Variants in GNA12 observed in about 807,000 individuals in gnomAD.
GNA12 encodes G protein subunit alpha 12.
GNA12 carries 9 observed loss-of-function variants against 26.0 expected under a neutral mutation model. The ratio of observed to expected loss-of-function variants is 0.35; its 90% CI spans 0.21 to 0.60. The LOEUF is 0.60. GNA12 is among the 20% of genes least tolerant of loss of function. The probability of loss-of-function intolerance (pLI) is 0.78; values close to 1 mark genes in which losing one functional copy is unlikely to be tolerated. For synonymous variants in GNA12, 264 were observed against 219.6 expected (o/e 1.20, Z -1.79); for missense variants, 405 against 525.8 (o/e 0.77, Z 2.25).
intron 1 of GNA12, among the ~76,000 whole-genome samples, chr7:2,824,098 C>A (rs1245428096): frequency 6.6e-6 from 1 of 152,174 alleles, no homozygotes; most frequent in Non-Finnish European, 1.5e-5. Context: ...TCAACACTTT[C>A]ACAACATTTC....
Position 2,795,163 on chromosome 7 carries a change from A to T in GNA12, c.310-20T>A, listed in dbSNP as rs1473208314. 6.3e-7 allele frequency: 1 copy of T among 1,585,946 alleles called. No individual in the cohort carries two copies. Among genetic ancestry groups the T allele is most frequent in the Non-Finnish European group, 8.7e-7 (1 of 1,155,444 alleles). ...TGAGCCCTAGAAAATAAAAGAAAGA[A>T]GAGAGGATTTAATTGCATTCCAAAG... On this transcript the variant is annotated intron_variant, in intron 1 of 3. Transcript: ENST00000275364.
intron 1 of GNA12, among the ~76,000 whole-genome samples, chr7:2,795,363 TGGCTCACACTGTGAGCCTCCC>T (rs1792633183): frequency 1.3e-5 from 2 of 152,080 alleles, no homozygotes; most frequent in African/African-American, 4.8e-5. Context: ...CCGAGAGCAG[TGGCTCACACTGTGAGCCTCCC>T]CTTTGGGAGG....
chr7:2,743,605 G>T (rs28835381), intron 2 of GNA12, among the ~76,000 whole-genome samples: 1 of 152,182 alleles, frequency 6.6e-6, no homozygotes, highest in Non-Finnish European at 1.5e-5. Flanking sequence ...AGCTCCCAGC[G>T]TGAGCAATGC....
intron 1 of GNA12, among the ~76,000 whole-genome samples, chr7:2,836,286 G>C (rs1414580777): frequency 1.3e-5 from 2 of 152,210 alleles, no homozygotes; most frequent in Non-Finnish European, 2.9e-5. Flanking sequence ...GGATGATGGA[G>C]ACTTCCACAA....
chr7:2,747,133 C>G (rs567129419), intron 2 of GNA12, among the ~76,000 whole-genome samples: 1 of 152,002 alleles, frequency 6.6e-6, no homozygotes, highest in African/African-American at 2.4e-5. Context: ...CTATTCCAAT[C>G]AATAGAAAAA....
intron 1 of GNA12, among the ~76,000 whole-genome samples, chr7:2,830,317 A>G (rs1201241561): frequency 1.3e-5 from 2 of 152,204 alleles, no homozygotes; most frequent in African/African-American, 4.8e-5. Flanking sequence ...CCAGTCTAGA[A>G]TCCATTTGGA....
At chr7:2,759,832 T>C (rs1218446558) in intron 2 of GNA12, among the ~76,000 whole-genome samples, 1 of 152,116 alleles carries the variant, frequency 6.6e-6, no homozygotes, top group Non-Finnish European at 1.5e-5. Context: ...CTGCAACGGG[T>C]GCAGATGCCG....
intron 1 of GNA12, among the ~76,000 whole-genome samples, chr7:2,809,612 G>A (rs1162538711): frequency 6.6e-6 from 1 of 152,060 alleles, no homozygotes; most frequent in African/African-American, 2.4e-5. Context: ...GCTACTCTGG[G>A]TACACCGCCT....
At chr7:2,811,363 G>C (rs373860316) in intron 1 of GNA12, among the ~76,000 whole-genome samples, 82 of 152,322 alleles carry the variant, frequency 5.4e-4, no homozygotes, top group African/African-American at 1.8e-3. Context: ...TCACACAGAA[G>C]ACAAAGGAGC....
At chr7:2,789,229 G>T (rs1319599213) in intron 2 of GNA12, among the ~76,000 whole-genome samples, 2 of 134,168 alleles carry the variant, frequency 1.5e-5, no homozygotes, top group Non-Finnish European at 3.1e-5. Context: ...TCCGCCTCCC[G>T]GGTTCACGCC....
At chr7:2,750,711 G>A (rs777360914) in intron 2 of GNA12, among the ~76,000 whole-genome samples, 1 of 152,218 alleles carries the variant, frequency 6.6e-6, no homozygotes, top group Non-Finnish European at 1.5e-5. Context: ...CTATTGGACA[G>A]GCATGTTAAC....
At chr7:2,819,755 G>A (rs1443218815) in intron 1 of GNA12, among the ~76,000 whole-genome samples, 5 of 152,130 alleles carry the variant, frequency 3.3e-5, no homozygotes, top group Admixed American at 2.0e-4. Flanking sequence ...ACACAAGCAC[G>A]GTTAGACCCC....
At chr7:2,760,738 G>A (rs1205552377) in intron 2 of GNA12, among the ~76,000 whole-genome samples, 1 of 152,176 alleles carries the variant, frequency 6.6e-6, no homozygotes. Flanking sequence ...GTTTAGCTAC[G>A]ACCATTTCTA....
chr7:2,830,182 G>A (rs781566394), intron 1 of GNA12, among the ~76,000 whole-genome samples: 1 of 152,140 alleles, frequency 6.6e-6, no homozygotes, highest in Non-Finnish European at 1.5e-5. Context: ...GCTCTTTCTT[G>A]CCTCAATACT....
In GNA12 at chr7:2,731,458, G is replaced by C; in HGVS notation, c.869C>G (p.Ser290Cys). ...IVNNKLFFNV[S>C]IILFLNKMDL... Reference sequence around the variant, plus strand: ...CATCTTGTTGAGGAAGAGAATGATGGAGACGTTGAAGAAGAGCTTGTTGTT... The same window carrying C: ...CATCTTGTTGAGGAAGAGAATGATGCAGACGTTGAAGAAGAGCTTGTTGTT... The change falls in exon 4 of 4, where the codon TCC (serine) becomes TGC (cysteine). Residue 290 changes from serine to cysteine, a missense_variant. Ser to Cys is a moderately radical substitution (Grantham distance 112). Transcript: ENST00000275364. The surrounding 1 kb of genome is among the most constrained non-coding windows in gnomAD (Gnocchi z 6.0). 6.2e-7 allele frequency: 1 copy of C among 1,613,938 alleles called. No homozygotes were observed. The highest frequency in any genetic ancestry group is 8.5e-7 in the Non-Finnish European group (1 of 1,179,902).
chr7:2,805,053 G>T (rs975380094), intron 1 of GNA12, among the ~76,000 whole-genome samples: 1 of 152,174 alleles, frequency 6.6e-6, no homozygotes, highest in African/African-American at 2.4e-5. Context: ...GATCCAACCT[G>T]GTCAAGCTGG....
At chr7:2,807,415 A>C (rs1792975261) in intron 1 of GNA12, among the ~76,000 whole-genome samples, 4 of 152,178 alleles carry the variant, frequency 2.6e-5, no homozygotes, top group Admixed American at 2.6e-4. Flanking sequence ...AACACTTCCA[A>C]TAAAACGTTT....
intron 2 of GNA12, among the ~76,000 whole-genome samples, chr7:2,775,653 C>T (rs371013045): frequency 4.6e-5 from 7 of 152,330 alleles, no homozygotes; most frequent in Non-Finnish European, 5.9e-5. Context: ...CCTGTTCTAA[C>T]GTGACGGGCT....
At chr7:2,838,024 A>G (rs1778888922) in intron 1 of GNA12, among the ~76,000 whole-genome samples, 1 of 152,112 alleles carries the variant, frequency 6.6e-6, no homozygotes, top group Non-Finnish European at 1.5e-5. Context: ...CCCAAGCAGA[A>G]GTAAAGTTTC....
Sources: allele counts gnomAD v4.1 joint callset (sites outside exome capture counted in the v4.1 genomes callset), GRCh38; gene constraint gnomAD v4.1.1; non-coding constraint Gnocchi (gnomAD v3.1); transcripts MANE v1.5; gene names NCBI Gene and HGNC (gene_info 2026-07-23, HGNC 2026-07-21).